ENTPD3: variants seen among roughly 807,000 people sequenced by gnomAD.
ENTPD3 encodes the protein CD39 antigen-like 3.
ENTPD3 carries 60 observed loss-of-function variants against 51.2 expected under a neutral mutation model. That is an observed-to-expected ratio of 1.17 (90% CI 0.95 to 1.45). The LOEUF (loss-of-function observed/expected upper bound fraction) is 1.45, where lower values mean the gene tolerates loss of function less well. Among genes scored for constraint, ENTPD3 ranks in the 40% most tolerant of loss-of-function variants. ENTPD3 has a pLI of 0.00. For synonymous variants in ENTPD3, 221 were observed against 238.4 expected (o/e 0.93, Z 0.67); for missense variants, 593 against 641.1 (o/e 0.93, Z 0.81).
At chr3:40,399,352 C>T (rs990656924) in intron 3 of ENTPD3, 2 of 152,122 alleles carry the variant, frequency 1.3e-5, no homozygotes, top group Non-Finnish European at 2.9e-5. Context: ...ACTGGCTTTT[C>T]TATATATGCT....
At chr3:40,411,228 T>C (rs1429695381) in intron 4 of ENTPD3, among the ~76,000 whole-genome samples, 1 of 149,884 alleles carries the variant, frequency 6.7e-6, no homozygotes, top group Admixed American at 6.7e-5. Flanking sequence ...GAGGTGGAGG[T>C]TGTAGTGAGC....
intron 8 of ENTPD3, 76 bp downstream of exon 8, chr3:40,423,198 G>A (rs990887593): frequency 6.4e-7 from 1 of 1,559,498 alleles, no homozygotes; most frequent in Non-Finnish European, 8.8e-7. Flanking sequence ...CTCCTCTGCT[G>A]ACTTGTTAGC....
In ENTPD3 at chr3:40,427,404, G is replaced by C. The variant is rs1956006116; in HGVS notation, c.1486G>C (p.Ala496Pro). 1.9e-6 allele frequency: 3 copies of C among 1,613,834 alleles called. No homozygotes were observed. Among genetic ancestry groups the C allele is most frequent in the Non-Finnish European group, 2.5e-6 (3 of 1,180,022 alleles). Residue 496 changes from alanine (A) to proline (P), a missense_variant, in exon 11 of 11, where the codon GCG becomes CCG. Coordinates refer to ENST00000301825, the MANE Select transcript of ENTPD3 (RefSeq NM_001248.4). ...VFVGTLAFFT[A>P]AALLCLAFLA... ...TGTGGGCACCCTCGCTTTCTTCACAGCGGCAGCCTTGCTGTGTCTGGCATT... is the reference window on the plus strand; with the variant it reads ...TGTGGGCACCCTCGCTTTCTTCACACCGGCAGCCTTGCTGTGTCTGGCATT...
At chr3:40,407,756 C>T (rs1052475892) in intron 4 of ENTPD3, among the ~76,000 whole-genome samples, 2 of 151,986 alleles carry the variant, frequency 1.3e-5, no homozygotes, top group African/African-American at 4.8e-5. Flanking sequence ...GGAATGACAG[C>T]CAGTGAGGGG....
rs1559515414 is a variant in ENTPD3, at chr3:40,414,771, C to A, written c.528C>A (p.Ile176=). The change falls in exon 6 of 11, where the codon ATC becomes ATA. Residue 176 remains isoleucine, a synonymous_variant. Transcript: ENST00000301825. ...SQPFDFRGAQ[I]ISGQEEGVYG... The stretch of plus-strand genomic sequence containing the variant: ...CCTTTGACTTTAGGGGTGCTCAAAT[C>A]ATTTCTGGGCAAGAAGAAGGGGTAT... 7 of 1,613,908 alleles carry A rather than the reference C, an allele frequency of 4.3e-6. No individual in the cohort carries two copies. Among genetic ancestry groups the A allele is most frequent in the Middle Eastern group, 1.6e-4 (1 of 6,080 alleles).
At chr3:40,426,470 AT>A (rs1955987858) in intron 10 of ENTPD3, among the ~76,000 whole-genome samples, 1 of 152,116 alleles carries the variant, frequency 6.6e-6, no homozygotes, top group South Asian at 2.1e-4. Context: ...CTAATTGAAA[AT>A]TTAAAAGTAA....
At chr3:40,405,707 T>A (rs1955477404) in intron 4 of ENTPD3, among the ~76,000 whole-genome samples, 1 of 151,998 alleles carries the variant, frequency 6.6e-6, no homozygotes, top group Admixed American at 6.6e-5. Flanking sequence ...TATCTCCTTT[T>A]CCCTCTAGAA....
At chr3:40,406,459 T>C (rs1480097589) in intron 4 of ENTPD3, among the ~76,000 whole-genome samples, 1 of 152,192 alleles carries the variant, frequency 6.6e-6, no homozygotes, top group African/African-American at 2.4e-5. Context: ...AGATTCTAAC[T>C]AGGGAACTAA....
At chr3:40,392,223 A>G (rs1040968985) in intron 3 of ENTPD3, 73 bp downstream of exon 3, 145 of 1,561,678 alleles carry the variant, frequency 9.3e-5, no homozygotes, top group Non-Finnish European at 1.3e-4. Context: ...TTCCAAAACC[A>G]TGAGTTAGAA....
At chr3:40,406,242 C>A (rs1360956887) in intron 4 of ENTPD3, among the ~76,000 whole-genome samples, 1 of 152,058 alleles carries the variant, frequency 6.6e-6, no homozygotes, top group Non-Finnish European at 1.5e-5. Flanking sequence ...ACATGCTGAG[C>A]AGAGGCATGG....
intron 4 of ENTPD3, among the ~76,000 whole-genome samples, chr3:40,405,981 A>C (rs1159288496): frequency 2.0e-5 from 3 of 152,192 alleles, no homozygotes; most frequent in East Asian, 1.9e-4. Flanking sequence ...TTCAGAAATA[A>C]ACAATATATA....
intron 4 of ENTPD3, among the ~76,000 whole-genome samples, chr3:40,410,355 C>T (rs909773845): frequency 1.3e-5 from 2 of 151,460 alleles, no homozygotes; most frequent in South Asian, 2.1e-4. Context: ...GCACAAGAAT[C>T]GCTTGAATCT....
At chr3:40,402,617 CATT>C (rs1159825670) in intron 4 of ENTPD3, among the ~76,000 whole-genome samples, 17 of 151,822 alleles carry the variant, frequency 1.1e-4, no homozygotes, top group African/African-American at 3.1e-4. Context: ...AATTCTTTGC[CATT>C]ATTATTATCA....
chr3:40,416,107 T>C (rs778116021), intron 7 of ENTPD3, 34 bp downstream of exon 7: 2 of 1,536,244 alleles, frequency 1.3e-6, no homozygotes, highest in Non-Finnish European at 9.0e-7. Flanking sequence ...TGGCAGGTGT[T>C]CTCTTGAGGG....
At chr3:40,390,670 G>GT (rs576180396) in intron 2 of ENTPD3, among the ~76,000 whole-genome samples, 140 of 152,180 alleles carry the variant, frequency 9.2e-4, no homozygotes, top group African/African-American at 3.3e-3. Flanking sequence ...AGTTTATAAT[G>GT]TTTTTTTAAA....
At chr3:40,417,906 T>A (rs935641443) in intron 7 of ENTPD3, among the ~76,000 whole-genome samples, 2 of 152,124 alleles carry the variant, frequency 1.3e-5, no homozygotes, top group African/African-American at 4.8e-5. Flanking sequence ...TGAGTGAGGA[T>A]CAGAGAGGCT....
rs1164508023 is a variant in ENTPD3, at chr3:40,392,127, G to A, written c.145G>A (p.Glu49Lys). 1.2e-6 allele frequency: 2 copies of A among 1,614,222 alleles called. No individual in the cohort carries two copies. Among genetic ancestry groups the A allele is most frequent in the Non-Finnish European group, 1.7e-6 (2 of 1,180,046 alleles). ...SITVIQIHKQ[E>K]VLPPGLKYGI... is the part of the protein sequence containing the mutation. ...CACTGTCATCCAGATCCACAAGCAA[G>A]AGGTCCTCCCTCCAGGACTGAAGGT... Residue 49 changes from glutamate to lysine, a missense_variant, in exon 3 of 11, where the codon GAG (glutamate) becomes AAG (lysine). Physicochemically the swap from Glu to Lys is moderately conservative, Grantham distance 56. Coordinates refer to ENST00000301825, the MANE Select transcript of ENTPD3 (RefSeq NM_001248.4).
chr3:40,423,644 T>C (rs1201899493), intron 9 of ENTPD3, among the ~76,000 whole-genome samples, 182 bp from the exon 10 acceptor site: 1 of 152,220 alleles, frequency 6.6e-6, no homozygotes, highest in Non-Finnish European at 1.5e-5. Context: ...GATTAGTATA[T>C]TGTGATATTA....
chr3:40,421,167 G>A (rs1270896881), intron 7 of ENTPD3, among the ~76,000 whole-genome samples: 2 of 151,696 alleles, frequency 1.3e-5, no homozygotes, highest in Non-Finnish European at 2.9e-5. Flanking sequence ...GGGACTACAG[G>A]TGCGTGCCAC....
Sources: allele counts gnomAD v4.1 joint callset (sites outside exome capture counted in the v4.1 genomes callset), GRCh38; gene constraint gnomAD v4.1.1; transcripts MANE v1.5; gene names NCBI Gene and HGNC (gene_info 2026-07-23, HGNC 2026-07-21).